The following OSBP2 variants were observed in gnomAD, a reference collection of about 807,000 sequenced individuals.
The protein encoded by OSBP2 is oxysterol binding protein 2, also known as oxysterol-binding protein 2.
Under a neutral mutation model 96.0 loss-of-function variants are expected in OSBP2, and 66 were observed. That is an observed-to-expected ratio of 0.69 (90% CI 0.56 to 0.84). The LOEUF (loss-of-function observed/expected upper bound fraction) is 0.84. Ranked by LOEUF, OSBP2 falls within the 40% of genes least tolerant of loss-of-function variation. The probability of loss-of-function intolerance (pLI) is 0.00; values close to 1 mark genes in which losing one functional copy is unlikely to be tolerated. For synonymous variants in OSBP2, 525 were observed against 520.9 expected, an observed-to-expected ratio of 1.01 and a Z score of -0.11; for missense variants, 1,038 against 1,222.7, an observed-to-expected ratio of 0.85 and a Z score of 2.25.
intron 1 of OSBP2, among the ~76,000 whole-genome samples, chr22:30,725,048 C>T (rs136375): frequency 0.061 from 9,307 of 151,502 alleles, 291 homozygotes; most frequent in Middle Eastern, 0.096. Context: ...TGGTGGCAGG[C>T]GCCTGTAGTC....
chr22:30,905,838 G>A lies in OSBP2; in HGVS notation c.2377G>A (p.Glu793Lys). The A allele has an allele frequency of 1.9e-6, 3 of 1,612,792 alleles. No homozygotes were observed. Among genetic ancestry groups the A allele is most frequent in the Non-Finnish European group, 2.5e-6 (3 of 1,179,346 alleles). The change falls in exon 13 of 14, where the codon GAG becomes AAG. Residue 793 changes from glutamate (E) to lysine (K), a missense_variant and splice_region_variant. Physicochemically the swap from Glu to Lys is moderately conservative, Grantham distance 56. Transcript: ENST00000332585. ...KLLWKKYPLP[E>K]NAENMYYFSE... ...CCACCGCCACCACCACCGCCACAGG[G>A]AGAACGCGGAGAACATGTACTACTT... is the stretch of plus-strand genomic sequence containing the variant.
At chr22:30,774,592 ACCGTG>A (rs1184343938) in intron 2 of OSBP2, among the ~76,000 whole-genome samples, 1 of 152,232 alleles carries the variant, frequency 6.6e-6, no homozygotes, top group Non-Finnish European at 1.5e-5. Flanking sequence ...AAAAGCACAG[ACCGTG>A]CAAATCCCCT....
At chr22:30,779,439 TA>T (rs1195897358) in intron 2 of OSBP2, among the ~76,000 whole-genome samples, 1 of 152,074 alleles carries the variant, frequency 6.6e-6, no homozygotes, top group East Asian at 1.9e-4. Flanking sequence ...ATAATATACA[TA>T]AAGTGTAAGT....
intron 1 of OSBP2, among the ~76,000 whole-genome samples, chr22:30,729,223 C>T (rs1299261614): frequency 6.6e-6 from 1 of 152,170 alleles, no homozygotes; most frequent in Non-Finnish European, 1.5e-5. Context: ...ATCCAGGAAT[C>T]CTACTTTTGG....
chr22:30,717,086 G>GTTTTTTTT (rs144392805), intron 1 of OSBP2, among the ~76,000 whole-genome samples: 1,923 of 94,786 alleles, frequency 0.02, 62 homozygotes, highest in African/African-American at 0.077. Context: ...TAATTTTACT[G>GTTTTTTTT]TTTTTGTGTG....
chr22:30,779,437 C>T (rs1255352415), intron 2 of OSBP2, among the ~76,000 whole-genome samples: 1 of 152,020 alleles, frequency 6.6e-6, no homozygotes, highest in East Asian at 1.9e-4. Context: ...GTATAATATA[C>T]ATAAAGTGTA....
chr22:30,843,447 C>G (rs1251474103), intron 2 of OSBP2, among the ~76,000 whole-genome samples: 1 of 117,822 alleles, frequency 8.5e-6, no homozygotes, highest in Non-Finnish European at 1.7e-5. Flanking sequence ...GAATCTTTCC[C>G]CCCTCCCCCT....
At position 30,881,283 on chromosome 22, in the gene OSBP2, G is replaced by A. The variant is rs907871365; in HGVS notation, c.1108-6143G>A. On this transcript the variant is annotated intron_variant, in intron 3 of 13. Transcript: ENST00000332585. The surrounding 1 kb of genome is among the most constrained non-coding windows in gnomAD (Gnocchi z 4.5). ...ACGCTGAGGACAATCAACCTGACAGGTCACAGAATCAGGGACTCTGTAGGA... is the reference window on the plus strand; with the variant it reads ...ACGCTGAGGACAATCAACCTGACAGATCACAGAATCAGGGACTCTGTAGGA... 6.6e-6 allele frequency among the ~76,000 whole-genome samples: 1 copy of A among 152,180 alleles called. No homozygotes were observed. The highest frequency in any genetic ancestry group is 2.4e-5 in the African/African-American group (1 of 41,426).
rs777286489 is a variant in OSBP2, at chr22:30,893,287, C to T, written c.1990+45C>T. The T allele has an allele frequency of 2.0e-4, 317 of 1,612,544 alleles. 2 individuals carry two copies. Among genetic ancestry groups the T allele is most frequent in the Non-Finnish European group, 2.8e-5 (33 of 1,179,046 alleles). ...CTTCCTGGGACACAGAGACATTGTG[C>T]ATAAGAGGGAGGATTCTGGTGATGC... On this transcript the variant is annotated intron_variant, in intron 9 of 13. Transcript: ENST00000332585.
chr22:30,771,434 G>A (rs2090346166), intron 2 of OSBP2, among the ~76,000 whole-genome samples: 1 of 152,250 alleles, frequency 6.6e-6, no homozygotes, highest in African/African-American at 2.4e-5. Flanking sequence ...AGCACAGGAA[G>A]GGCTGAGTCC....
intron 2 of OSBP2, among the ~76,000 whole-genome samples, chr22:30,850,241 A>G (rs1478464416): frequency 2.0e-5 from 3 of 147,930 alleles, no homozygotes; most frequent in African/African-American, 7.4e-5. Context: ...CAGGAGGCGG[A>G]GGTTGCAGTG....
intron 2 of OSBP2, among the ~76,000 whole-genome samples, chr22:30,829,885 G>A (rs2038485625): frequency 6.6e-6 from 1 of 152,200 alleles, no homozygotes; most frequent in South Asian, 2.1e-4. Flanking sequence ...CAAAGAGAGG[G>A]CTGCTTAGGT....
At chr22:30,869,956 G>GTGAGGT (rs1389494175) in intron 2 of OSBP2, among the ~76,000 whole-genome samples, 2 of 152,212 alleles carry the variant, frequency 1.3e-5, no homozygotes, top group Non-Finnish European at 2.9e-5. Flanking sequence ...AGAGAGCAAA[G>GTGAGGT]TGAGGTTGAC....
At chr22:30,794,783 T>C (rs1423016471) in intron 2 of OSBP2, among the ~76,000 whole-genome samples, 3 of 150,604 alleles carry the variant, frequency 2.0e-5, no homozygotes, top group African/African-American at 7.3e-5. Context: ...GGCAACACAG[T>C]GAGACCGTCT....
At chr22:30,748,721 G>A (rs2090037906) in intron 2 of OSBP2, among the ~76,000 whole-genome samples, 2 of 152,240 alleles carry the variant, frequency 1.3e-5, no homozygotes, top group Admixed American at 1.3e-4. Context: ...ATCAAGGCAA[G>A]TCACAGAGTG....
At chr22:30,840,556 C>G (rs73154681) in intron 2 of OSBP2, among the ~76,000 whole-genome samples, 10,103 of 152,218 alleles carry the variant, frequency 0.066, 349 homozygotes, top group Non-Finnish European at 0.079. Context: ...AGACTTAGCT[C>G]TGCCCCTTAC....
Position 30,887,136 on chromosome 22 carries a change from T to C in OSBP2, c.1108-290T>C, listed in dbSNP as rs548597365. On this transcript the variant is annotated intron_variant, in intron 3 of 13. Coordinates refer to ENST00000332585, the MANE Select transcript of OSBP2 (RefSeq NM_030758.4). ...CTGTGAACTGTGGCGCTGGTGGGAG[T>C]GTAGCAGTGAGGACGACCAGAGGTC... Among the ~76,000 whole-genome samples the C allele has an allele frequency of 6.6e-5, 10 of 152,132 alleles. No individual in the cohort carries two copies. The East Asian group carries it at 1.4e-3, about 21-fold the overall frequency.
chr22:30,836,439 A>G (rs1219983394), intron 2 of OSBP2, among the ~76,000 whole-genome samples: 1 of 152,066 alleles, frequency 6.6e-6, no homozygotes, highest in East Asian at 1.9e-4. Flanking sequence ...AGCACATACA[A>G]AGCTATTTGT....
chr22:30,841,226 A>G (rs2038748044), intron 2 of OSBP2, among the ~76,000 whole-genome samples: 1 of 152,138 alleles, frequency 6.6e-6, no homozygotes, highest in South Asian at 2.1e-4. Context: ...CTTTTACTAT[A>G]TTTACAAGGC....
Sources: allele counts gnomAD v4.1 joint callset (sites outside exome capture counted in the v4.1 genomes callset), GRCh38; gene constraint gnomAD v4.1.1; non-coding constraint Gnocchi (gnomAD v3.1); transcripts MANE v1.5; gene names NCBI Gene and HGNC (gene_info 2026-07-23, HGNC 2026-07-21).